Variants in TPP2 observed in about 807,000 individuals in gnomAD.
The protein encoded by TPP2 is tripeptidyl-peptidase 2.
TPP2 carries 34 observed loss-of-function variants against 155.9 expected under a neutral mutation model. The ratio of observed to expected loss-of-function variants is 0.22; its 90% confidence interval spans 0.17 to 0.29. TPP2 has a LOEUF of 0.29. TPP2 is among the 10% of genes least tolerant of loss of function. The pLI is 1.00. For missense variants in TPP2, 1,028 were observed against 1,522.3 expected, an observed-to-expected ratio of 0.68 and a Z score of 5.40; for synonymous variants, 510 against 529.4, an observed-to-expected ratio of 0.96 and a Z score of 0.50.
chr13:102,677,825 T>C (rs1361453650), intron 29 of TPP2, among the ~76,000 whole-genome samples: 2 of 152,220 alleles, frequency 1.3e-5, no homozygotes, highest in African/African-American at 4.8e-5. Context: ...TTATTTGCTT[T>C]TCCTGAAAGT....
intron 24 of TPP2, among the ~76,000 whole-genome samples, chr13:102,656,271 A>G (rs1344511260): frequency 6.6e-6 from 1 of 152,182 alleles, no homozygotes; most frequent in Non-Finnish European, 1.5e-5. Flanking sequence ...CACTTGGAAT[A>G]CAATATATAG....
chr13:102,623,250 AG>A (rs1881298933), intron 6 of TPP2, among the ~76,000 whole-genome samples: 1 of 152,182 alleles, frequency 6.6e-6, no homozygotes, highest in Non-Finnish European at 1.5e-5. Context: ...AGAATATAAA[AG>A]CATGTTCCAA....
In TPP2 at chr13:102,678,389, AT is replaced by A. The variant is rs1566381373; in HGVS notation, c.*78del. On this transcript the variant is annotated 3_prime_UTR_variant, in exon 30 of 30. Transcript: ENST00000376052. Reference sequence around the variant, plus strand: ...ATGGGTATAAAAACAAATTTGTGGCATTTTTAGTCTAATGCATGTTTTCATC... The same window carrying A: ...ATGGGTATAAAAACAAATTTGTGGCATTTTAGTCTAATGCATGTTTTCATC... 1 of 1,331,360 alleles carries A rather than the reference AT, an allele frequency of 7.5e-7. No individual in the cohort carries two copies. Among genetic ancestry groups the A allele is most frequent in the Non-Finnish European group, 1.1e-6 (1 of 938,582 alleles). 82.5% of individuals were successfully genotyped at this position (1,331,360 alleles called of 1,614,324 possible).
intron 2 of TPP2, 140 bp from the exon 3 acceptor site, chr13:102,613,961 A>G: frequency 1.6e-6 from 1 of 635,336 alleles, no homozygotes; most frequent in Non-Finnish European, 2.7e-6. Flanking sequence ...TTAGAGTATT[A>G]AACACGTTGT....
At chr13:102,620,894 A>T (rs1881112991) in intron 5 of TPP2, among the ~76,000 whole-genome samples, 1 of 152,202 alleles carries the variant, frequency 6.6e-6, no homozygotes, top group African/African-American at 2.4e-5. Context: ...TAGATTCTTG[A>T]TGAAAGCTCT....
At chr13:102,651,939 T>C (rs1883518345) in intron 24 of TPP2, among the ~76,000 whole-genome samples, 2 of 152,192 alleles carry the variant, frequency 1.3e-5, no homozygotes, top group African/African-American at 4.8e-5. Flanking sequence ...GACTGTTCAC[T>C]GACAATTAAA....
At chr13:102,637,339 A>G (rs1039303206) in intron 14 of TPP2, 100 bp downstream of exon 14, 2 of 1,308,748 alleles carry the variant, frequency 1.5e-6, no homozygotes, top group Non-Finnish European at 2.0e-6. Context: ...CTTTCTTGCT[A>G]AGAAATAACT....
intron 2 of TPP2, among the ~76,000 whole-genome samples, chr13:102,609,410 T>A (rs1437161733): frequency 6.7e-6 from 1 of 148,486 alleles, no homozygotes; most frequent in Non-Finnish European, 1.5e-5. Flanking sequence ...TTTTTTTTTT[T>A]TTTTGAGACG....
At chr13:102,671,940 C>T (rs1195208351) in intron 27 of TPP2, among the ~76,000 whole-genome samples, 1 of 152,202 alleles carries the variant, frequency 6.6e-6, no homozygotes, top group African/African-American at 2.4e-5. Context: ...GAGCTGATAA[C>T]TGTTGTCCCA....
intron 2 of TPP2, among the ~76,000 whole-genome samples, chr13:102,613,370 C>G (rs1880464141): frequency 6.6e-6 from 1 of 152,182 alleles, no homozygotes; most frequent in South Asian, 2.1e-4. Context: ...AGTGTTTCAA[C>G]CTTGTCATTT....
chr13:102,664,857 T>C lies in TPP2; in HGVS notation c.3303T>C (p.Asp1101=). 1.2e-6 allele frequency: 2 copies of C among 1,613,792 alleles called. No individual in the cohort carries two copies. Among genetic ancestry groups the C allele is most frequent in the East Asian group, 4.5e-5 (2 of 44,834 alleles). Residue 1101 remains aspartate (D), a synonymous_variant, in exon 27 of 30, where the codon GAT becomes GAC. Coordinates refer to ENST00000376052, the MANE Select transcript of TPP2 (RefSeq NM_001330588.2). The stretch of plus-strand genomic sequence containing the variant: ...CAAATGCTGTTATTTCTCATATAGA[T>C]CAAACAGCCCTAGCAGTTTATATTG... The part of the protein sequence containing the change: ...DAANAVISHI[D]QTALAVYIAM...
At chr13:102,657,527 AT>A (rs1566363368) in intron 25 of TPP2, among the ~76,000 whole-genome samples, 2 of 151,810 alleles carry the variant, frequency 1.3e-5, no homozygotes, top group African/African-American at 2.4e-5. Context: ...TCTTATTATT[AT>A]TTTTTTCCTC....
Position 102,677,379 on chromosome 13 carries a change from C to T in TPP2, c.3700-848C>T, listed in dbSNP as rs1262258663. Among the ~76,000 whole-genome samples, 8 of 150,780 alleles carry T rather than the reference C, an allele frequency of 5.3e-5. No homozygotes were observed. In the East Asian group the frequency reaches 5.9e-4, roughly 11 times the overall value. On this transcript the variant is annotated intron_variant, in intron 29 of 29. Coordinates refer to ENST00000376052, the MANE Select transcript of TPP2 (RefSeq NM_001330588.2). ...TGTCTGCCCTCCACTCTGCCCCCCC[C>T]GCTGCCTGTTCTCCACACAGCAGCT...
intron 10 of TPP2, 86 bp downstream of exon 10, chr13:102,630,281 C>A (rs1881931194): frequency 1.0e-6 from 1 of 994,984 alleles, no homozygotes; most frequent in Non-Finnish European, 1.4e-6. Flanking sequence ...GATAAGTTTG[C>A]TAGTTTTTTT....
chr13:102,622,845 T>C, intron 5 of TPP2, 32 bp from the exon 6 acceptor site: 1 of 1,578,774 alleles, frequency 6.3e-7, no homozygotes, highest in Non-Finnish European at 8.6e-7. Flanking sequence ...AGAAAATAAA[T>C]TTTACTGTCT....
chr13:102,662,863 G>A (rs1595209010), intron 25 of TPP2, among the ~76,000 whole-genome samples: 2 of 151,920 alleles, frequency 1.3e-5, no homozygotes, highest in Non-Finnish European at 2.9e-5. Flanking sequence ...CCTCCGCGTC[G>A]GGGAACATAG....
chr13:102,658,866 GTAGGGGCTCTCT>G (rs373113639), intron 25 of TPP2, among the ~76,000 whole-genome samples: 2,806 of 152,248 alleles, frequency 0.018, 85 homozygotes, highest in African/African-American at 0.065. Flanking sequence ...CTCTCAAGAG[GTAGGGGCTCTCT>G]TGTAAAGTAC....
At chr13:102,661,237 A>G (rs1884194442) in intron 25 of TPP2, among the ~76,000 whole-genome samples, 1 of 149,378 alleles carries the variant, frequency 6.7e-6, no homozygotes, top group African/African-American at 2.5e-5. Context: ...CAAAATATAT[A>G]AAGAACGCTA....
rs188975198 is a variant in TPP2 at position 102,679,286 on chromosome 13, T to C, written c.*970T>C. On this transcript the variant is annotated 3_prime_UTR_variant, in exon 30 of 30. Coordinates refer to ENST00000376052, the MANE Select transcript of TPP2 (RefSeq NM_001330588.2). The stretch of plus-strand genomic sequence containing the variant: ...ATAATCTATTTTACAGTGTTTCTTA[T>C]AGGCTTACAATTATTTGAATGTATT... 1.1e-3 allele frequency: 173 copies of C among 152,470 alleles called. No individual in the cohort carries two copies. Among genetic ancestry groups the C allele is most frequent in the African/African-American group, 4.0e-3 (167 of 41,574 alleles). The allele number at this position is 152,470 out of a possible 1,614,324, so 9.4% of individuals were successfully genotyped here. A position where few individuals can be genotyped will look rare whatever the true frequency, so the allele number is the denominator to read the frequency against.
Sources: gnomAD v4.1 joint callset for allele counts (sites outside exome capture counted in the v4.1 genomes callset) on GRCh38, gnomAD v4.1.1 for gene constraint, MANE v1.5 for transcripts, NCBI Gene and HGNC (gene_info 2026-07-23, HGNC 2026-07-21) for gene names.